ZMYND8: variants seen among roughly 807,000 people sequenced by gnomAD.
ZMYND8 encodes the protein zinc finger MYND-type containing 8.
In ZMYND8, 37 loss-of-function variants were observed where a neutral mutation model predicts 140.8. The observed-to-expected ratio is 0.26, with a 90% CI of 0.20 to 0.35. ZMYND8 has a LOEUF of 0.35. Ranked by LOEUF, ZMYND8 falls within the 10% of genes least tolerant of loss-of-function variation. ZMYND8 has a pLI of 1.00. For synonymous variants in ZMYND8, 592 were observed against 597.1 expected (o/e 0.99, Z 0.12); for missense variants, 1,068 against 1,570.0 (o/e 0.68, Z 5.40).
chr20:47,323,722 C>G (rs2080159272), intron 2 of ZMYND8, among the ~76,000 whole-genome samples: 1 of 152,056 alleles, frequency 6.6e-6, no homozygotes, highest in African/African-American at 2.4e-5. Context: ...GCCCACAATC[C>G]CAGCCCCACC....
chr20:47,233,261 G>A (rs544680160), intron 16 of ZMYND8, among the ~76,000 whole-genome samples: 93 of 148,854 alleles, frequency 6.2e-4, no homozygotes, highest in Middle Eastern at 3.5e-3. Flanking sequence ...CCAGGCTGGA[G>A]TGCAATGGTG....
Position 47,310,001 on chromosome 20 carries a change from T to C in ZMYND8, c.234+55A>G, listed in dbSNP as rs528368554. 2.1e-4 allele frequency: 341 copies of C among 1,610,546 alleles called. 4 individuals carry two copies. In the Admixed American group the frequency reaches 5.3e-3, roughly 25 times the overall value. On this transcript the variant is annotated intron_variant, in intron 3 of 22. Transcript: ENST00000471951. ...TTACAAGGATCCAGAGGTTCAGCGC[T>C]ACTAGCTGGCCTCTGTCCCACCAGT...
intron 11 of ZMYND8, among the ~76,000 whole-genome samples, chr20:47,269,177 C>A (rs550660636): frequency 6.6e-6 from 1 of 152,156 alleles, no homozygotes; most frequent in Admixed American, 6.5e-5. Context: ...CCAGCCTGGG[C>A]AACAGAGTGG....
chr20:47,301,937 G>A (rs905058082), intron 3 of ZMYND8, among the ~76,000 whole-genome samples: 1 of 152,078 alleles, frequency 6.6e-6, no homozygotes, highest in Non-Finnish European at 1.5e-5. Flanking sequence ...GTTCTCACAA[G>A]ATCTGATGGT....
At chr20:47,310,337 T>A in intron 2 of ZMYND8, 133 bp from the exon 3 acceptor site, 1 of 1,030,112 alleles carries the variant, frequency 9.7e-7, no homozygotes, top group Non-Finnish European at 1.4e-6. Flanking sequence ...ACTTCAGTGT[T>A]CCTCCTCCCA....
intron 6 of ZMYND8, 124 bp from the exon 7 acceptor site, chr20:47,290,398 A>G: frequency 1.4e-6 from 1 of 703,104 alleles, no homozygotes; most frequent in South Asian, 2.0e-5. Flanking sequence ...TCTTCTATTC[A>G]TTTCCCAAGA....
intron 17 of ZMYND8, among the ~76,000 whole-genome samples, chr20:47,229,344 TG>T (rs1202506484): frequency 6.6e-6 from 1 of 152,064 alleles, no homozygotes; most frequent in Non-Finnish European, 1.5e-5. Context: ...CACATAATTA[TG>T]GAGACTCCAG....
intron 2 of ZMYND8, among the ~76,000 whole-genome samples, chr20:47,331,325 TG>T (rs2080921071): frequency 6.6e-6 from 1 of 152,058 alleles, no homozygotes; most frequent in African/African-American, 2.4e-5. Flanking sequence ...CTGGTTGAAG[TG>T]GAGTGACATT....
intron 1 of ZMYND8, chr20:47,353,717 A>G (rs1177038437): frequency 6.6e-6 from 1 of 152,190 alleles, no homozygotes; most frequent in Non-Finnish European, 1.5e-5. Context: ...CAGAAGGAAA[A>G]AGGAAAACAG....
intron 2 of ZMYND8, among the ~76,000 whole-genome samples, chr20:47,313,501 A>G (rs1041709727): frequency 3.3e-5 from 5 of 152,106 alleles, no homozygotes; most frequent in East Asian, 1.9e-4. Flanking sequence ...GGGCGCCTGT[A>G]GTCCCAGCTA....
intron 11 of ZMYND8, among the ~76,000 whole-genome samples, chr20:47,264,028 G>A (rs2147591899): frequency 6.6e-6 from 1 of 152,284 alleles, no homozygotes; most frequent in East Asian, 1.9e-4. Flanking sequence ...CTAGGAGCTA[G>A]AGACCAAAAC....
At chr20:47,321,058 A>G (rs1045104892) in intron 2 of ZMYND8, among the ~76,000 whole-genome samples, 1 of 152,236 alleles carries the variant, frequency 6.6e-6, no homozygotes, top group African/African-American at 2.4e-5. Context: ...AACACCCAGG[A>G]AACCCAGTAA....
intron 2 of ZMYND8, among the ~76,000 whole-genome samples, chr20:47,327,289 G>A (rs1601957059): frequency 6.6e-6 from 1 of 151,834 alleles, no homozygotes; most frequent in Non-Finnish European, 1.5e-5. Context: ...ACAGACGTGA[G>A]CCACCGCCTT....
Position 47,255,904 on chromosome 20 carries a change from T to C in ZMYND8, c.1621+6384A>G, listed in dbSNP as rs532519629. ...GCCTGGCCAACATGGTGAAACCCTATCTCTACTAAATACAAAAAATTAGCC... is the reference window on the plus strand; with the variant it reads ...GCCTGGCCAACATGGTGAAACCCTACCTCTACTAAATACAAAAAATTAGCC... On this transcript the variant is annotated intron_variant, in intron 12 of 22. Coordinates refer to ENST00000471951, the MANE Select transcript of ZMYND8 (RefSeq NM_001281775.3). Among the ~76,000 whole-genome samples the C allele has an allele frequency of 8.1e-4, 122 of 149,946 alleles. 1 individual carries two copies. The highest frequency in any genetic ancestry group is 2.7e-3 in the African/African-American group (112 of 40,890).
Position 47,210,740 on chromosome 20 carries a change from G to T in ZMYND8, c.*21C>A, listed in dbSNP as rs375696009. 3.7e-6 allele frequency: 6 copies of T among 1,614,072 alleles called. No individual in the cohort carries two copies. The African/African-American group carries it at 6.7e-5, about 18-fold the overall frequency. On this transcript the variant is annotated 3_prime_UTR_variant, in exon 23 of 23. Coordinates refer to ENST00000471951, the MANE Select transcript of ZMYND8 (RefSeq NM_001281775.3). ...GGGTTTTTCTCCCAATGGGGTGGGT[G>T]GTTTGTGTCCCGATTCACTGCTAGT...
intron 16 of ZMYND8, among the ~76,000 whole-genome samples, chr20:47,231,031 G>A (rs1322499800): frequency 6.6e-6 from 1 of 152,180 alleles, no homozygotes; most frequent in Non-Finnish European, 1.5e-5. Flanking sequence ...AGATATGGCT[G>A]GTTTGTCATT....
intron 15 of ZMYND8, 118 bp from the exon 16 acceptor site, chr20:47,236,634 A>T: frequency 9.2e-7 from 1 of 1,090,116 alleles, no homozygotes; most frequent in Non-Finnish European, 1.3e-6. Flanking sequence ...CTTTTAAATG[A>T]CAAAGATGCT....
intron 15 of ZMYND8, chr20:47,238,436 G>A: frequency 2.3e-6 from 1 of 435,456 alleles, no homozygotes; most frequent in Admixed American, 3.6e-5. Context: ...GTTGATACTG[G>A]CCACTGTGGA....
chr20:47,279,268 G>T (rs927823806), intron 10 of ZMYND8, among the ~76,000 whole-genome samples: 5 of 152,066 alleles, frequency 3.3e-5, no homozygotes, highest in African/African-American at 1.2e-4. Flanking sequence ...TCAGGAGCTT[G>T]AGACCAGTCT....
Sources: allele counts gnomAD v4.1 joint callset (sites outside exome capture counted in the v4.1 genomes callset), GRCh38; gene constraint gnomAD v4.1.1; transcripts MANE v1.5; gene names NCBI Gene and HGNC (gene_info 2026-07-23, HGNC 2026-07-21).